The following ZAN variants were observed in gnomAD, a reference collection of about 807,000 sequenced individuals.
ZAN encodes the protein zonadhesin.
Under a neutral mutation model 286.2 loss-of-function variants are expected in ZAN, and 260 were observed. The observed-to-expected ratio is 0.91, with a 90% CI of 0.82 to 1.01. ZAN has a LOEUF of 1.01. Ranked by LOEUF, ZAN falls within the 50% of genes least tolerant of loss-of-function variation. ZAN has a pLI of 0.00. For missense variants in ZAN, 3,410 were observed against 3,639.2 expected (o/e 0.94, Z 1.62); for synonymous variants, 1,368 against 1,417.5 (o/e 0.97, Z 0.79).
At chr7:100,759,314 G>A (rs1274146343) in intron 17 of ZAN, among the ~76,000 whole-genome samples, 2 of 152,186 alleles carry the variant, frequency 1.3e-5, no homozygotes, top group Non-Finnish European at 2.9e-5. Context: ...GATGAGGCAG[G>A]AGGATCGCTT....
chr7:100,796,561 C>T (rs980557762), intron 45 of ZAN, among the ~76,000 whole-genome samples: 7 of 151,614 alleles, frequency 4.6e-5, no homozygotes, highest in African/African-American at 1.5e-4. Context: ...GGATTACAGG[C>T]GCCGGCCACC....
In ZAN at chr7:100,746,707, G is replaced by A. The variant is rs1171989158; in HGVS notation, c.931+5G>A. The A allele has an allele frequency of 6.6e-5, 106 of 1,613,744 alleles. No homozygotes were observed. The highest frequency in any genetic ancestry group is 8.4e-5 in the Non-Finnish European group (99 of 1,179,834). On this transcript the variant is annotated splice_donor_5th_base_variant and intron_variant, in intron 8 of 47. Transcript: ENST00000613979. ...ACATTTATGCTTCAGTCTTGGGTTA[G>A]AGCGGAGAATTAATGGGATTTACAC...
chr7:100,738,899 CT>C (rs1325679131), intron 7 of ZAN, among the ~76,000 whole-genome samples: 1 of 3,160 alleles, frequency 3.2e-4, no homozygotes, highest in Non-Finnish European at 8.8e-4. Context: ...CCCTCTCCCT[CT>C]CCCTCTCCCT....
At chr7:100,762,095 T>C in intron 19 of ZAN, 120 bp from the exon 20 acceptor site, 2 of 1,299,122 alleles carry the variant, frequency 1.5e-6, no homozygotes, top group Non-Finnish European at 2.2e-6. Flanking sequence ...AGTCCGCACC[T>C]CTTCATCCTC....
At chr7:100,759,397 T>G (rs1474673711) in intron 17 of ZAN, among the ~76,000 whole-genome samples, 2 of 151,934 alleles carry the variant, frequency 1.3e-5, no homozygotes, top group Non-Finnish European at 2.9e-5. Context: ...CAAAGTGAGA[T>G]CTTGTCTCGA....
intron 14 of ZAN, among the ~76,000 whole-genome samples, chr7:100,753,571 C>T (rs1808934248): frequency 6.6e-6 from 1 of 151,760 alleles, no homozygotes; most frequent in Non-Finnish European, 1.5e-5. Context: ...ACCTGTAATC[C>T]CAGCACTTTG....
Position 100,739,344 on chromosome 7 carries a change from C to A in ZAN, c.766+731C>A, listed in dbSNP as rs1025829169. ...CTTCATTCATTCAAGAAATACTGAG[C>A]ACCTACAATATGCCAGGTGCTGTCC... On this transcript the variant is annotated intron_variant, in intron 7 of 47. Coordinates refer to ENST00000613979, the MANE Select transcript of ZAN (RefSeq NM_003386.3). Among the ~76,000 whole-genome samples, 6 of 137,706 alleles carry A rather than the reference C, an allele frequency of 4.4e-5. 2 individuals are homozygous for A. The highest frequency in any genetic ancestry group is 8.1e-5 in the Non-Finnish European group (5 of 61,754). 90.3% of individuals were successfully genotyped at this position (137,706 alleles called of 152,430 possible). A position where few individuals can be genotyped will look rare whatever the true frequency, so the allele number is the denominator to read the frequency against.
intron 8 of ZAN, among the ~76,000 whole-genome samples, chr7:100,746,933 A>G (rs965866938): frequency 4.6e-5 from 7 of 152,046 alleles, no homozygotes; most frequent in African/African-American, 1.7e-4. Flanking sequence ...AACCCCGTCC[A>G]TACTAAAAAT....
chr7:100,778,798 C>T (rs561734294), intron 34 of ZAN, among the ~76,000 whole-genome samples: 50 of 152,012 alleles, frequency 3.3e-4, no homozygotes, highest in Non-Finnish European at 5.4e-4. Context: ...TTCGCGAGGC[C>T]GAGGCGGGTG....
In ZAN at chr7:100,736,898, CT is replaced by C; in HGVS notation, c.344del (p.Leu115ProfsTer62). The C allele has an allele frequency of 6.7e-7, 1 of 1,490,418 alleles. No homozygotes were observed. 92.3% of individuals were successfully genotyped at this position (1,490,418 alleles called of 1,614,324 possible). A position where few individuals can be genotyped will look rare whatever the true frequency, so the allele number is the denominator to read the frequency against. ...LSPDLWEQGP[L>X]CVHFAHHMFG... ...CCCCGACCTATGGGAGCAAGGCCCC[CT>C]CTGTGTGCACTTTGCCCACCACATG... On this transcript the variant is annotated frameshift_variant, in exon 5 of 48. Coordinates refer to ENST00000613979, the MANE Select transcript of ZAN (RefSeq NM_003386.3). LOFTEE classifies it high-confidence loss of function.
chr7:100,776,718 CTT>C (rs1161585746), intron 34 of ZAN, among the ~76,000 whole-genome samples, 154 bp downstream of exon 34: 56 of 47,498 alleles, frequency 1.2e-3, no homozygotes, highest in African/African-American at 4.2e-3. Context: ...CCTCTCCTTT[CTT>C]TTTTTTTTTT....
At chr7:100,797,261 A>G (rs1812420519) in intron 45 of ZAN, 105 bp from the exon 46 acceptor site, 1 of 1,039,026 alleles carries the variant, frequency 9.6e-7, no homozygotes, top group African/African-American at 1.6e-5. Flanking sequence ...ATTTAGAGAG[A>G]TGAGGTCCCC....
chr7:100,787,231 C>T (rs1381890120), intron 37 of ZAN, among the ~76,000 whole-genome samples: 3 of 150,840 alleles, frequency 2.0e-5, no homozygotes, highest in East Asian at 3.9e-4. Flanking sequence ...GAGTTCAAGA[C>T]CAGCCTGGGC....
At position 100,759,795 on chromosome 7, in the gene ZAN, G is replaced by A. The variant is rs555223894; in HGVS notation, c.3646G>A (p.Val1216Met). The A allele has an allele frequency of 8.7e-6, 14 of 1,609,138 alleles. No individual in the cohort carries two copies. Among genetic ancestry groups the A allele is most frequent in the African/African-American group, 4.0e-5 (3 of 74,826 alleles). The change falls in exon 18 of 48, where the codon GTG becomes ATG. Residue 1216 changes from valine (V) to methionine (M), a missense_variant. Around this residue, in one of 7 missense-constraint regions of ZAN, gnomAD observed 1,042 missense variants for 1,058.0 expected, o/e 0.98. Coordinates refer to ENST00000613979, the MANE Select transcript of ZAN (RefSeq NM_003386.3). ...CGTGTCCTGCCTGAGCAAAGTCTACGTGACCCTGCCCGAGAGCACCGTCAC... is the reference window on the plus strand; with the variant it reads ...CGTGTCCTGCCTGAGCAAAGTCTACATGACCCTGCCCGAGAGCACCGTCAC... ...EGVSCLSKVY[V>M]TLPESTVTLL...
chr7:100,747,650 A>G lies in ZAN; in HGVS notation c.1023+9A>G, dbSNP rs1000652318. On this transcript the variant is annotated intron_variant, in intron 9 of 47. Transcript: ENST00000613979. The stretch of plus-strand genomic sequence containing the variant: ...CCGTGGGACGGATACAGGTACAGAG[A>G]AGCAAGGGGTCAGGTCCTTGCACAT... 2 of 1,612,992 alleles carry G rather than the reference A, an allele frequency of 1.2e-6. No homozygotes were observed. The highest frequency in any genetic ancestry group is 1.3e-5 in the African/African-American group (1 of 74,904).
In ZAN at chr7:100,763,821, G is replaced by A; in HGVS notation, c.4002G>A (p.Gln1334=). The change falls in exon 21 of 48, where the codon CAG becomes CAA. Residue 1334 remains glutamine (Q), a synonymous_variant. Transcript: ENST00000613979. The surrounding 1 kb of genome is among the most constrained non-coding windows in gnomAD (Gnocchi z 4.6). The stretch of plus-strand genomic sequence containing the variant: ...TCTCTTGCAGGTGTCAGAAGTACCA[G>A]GTGGTGAATTCCCCGTCTTGTGATT... ...QDEDQECQKY[Q]VVNSPSCDSS... is the part of the protein sequence containing the mutation. 6.2e-7 allele frequency: 1 copy of A among 1,614,032 alleles called. No homozygotes were observed. Among genetic ancestry groups the A allele is most frequent in the South Asian group, 1.1e-5 (1 of 91,084 alleles).
At chr7:100,737,151 T>C in intron 5 of ZAN, 71 bp downstream of exon 5, 1 of 1,442,402 alleles carries the variant, frequency 6.9e-7, no homozygotes. Context: ...GGTGGGGGTG[T>C]GGCAAAAAGG....
intron 37 of ZAN, among the ~76,000 whole-genome samples, chr7:100,786,356 C>A (rs1811566583): frequency 6.6e-6 from 1 of 152,150 alleles, no homozygotes; most frequent in Non-Finnish European, 1.5e-5. Context: ...CCTCCACCTG[C>A]AGGGCAAAAA....
At chr7:100,783,605 A>G (rs1472731922) in intron 35 of ZAN, among the ~76,000 whole-genome samples, 1 of 147,588 alleles carries the variant, frequency 6.8e-6, no homozygotes, top group Non-Finnish European at 1.5e-5. Flanking sequence ...ATGGTGGCAC[A>G]TGCCTGTAAT....
Sources: gnomAD v4.1 joint callset for allele counts (sites outside exome capture counted in the v4.1 genomes callset) on GRCh38, gnomAD v4.1.1 for gene constraint, gnomAD v4.1.1 regional missense constraint, Gnocchi (gnomAD v3.1) non-coding constraint, MANE v1.5 for transcripts, NCBI Gene and HGNC (gene_info 2026-07-23, HGNC 2026-07-21) for gene names.